The following SULT1A1 variants were observed in gnomAD, a reference collection of about 807,000 sequenced individuals.
The protein encoded by SULT1A1 is sulfotransferase family 1A member 1, also known as sulfotransferase 1A1.
In SULT1A1, 35 loss-of-function variants were observed where a neutral mutation model predicts 36.8. The ratio of observed to expected loss-of-function variants is 0.95; its 90% CI spans 0.73 to 1.26. The LOEUF is 1.26. SULT1A1 is among the 50% of genes most tolerant of loss of function. The pLI is 0.00. For missense variants in SULT1A1, 309 were observed against 383.0 expected, an observed-to-expected ratio of 0.81 and a Z score of 1.61; for synonymous variants, 119 against 146.0, an observed-to-expected ratio of 0.82 and a Z score of 1.33.
intron 1 of SULT1A1, among the ~76,000 whole-genome samples, chr16:28,621,619 C>T (rs2047657953): frequency 1.3e-5 from 2 of 151,426 alleles, no homozygotes; most frequent in African/African-American, 4.9e-5. Context: ...ACTTCTTTAA[C>T]AGTTGCTAGG....
rs6839 is a variant in SULT1A1 at position 28,605,807 on chromosome 16, T to C, written c.*14A>G. On this transcript the variant is annotated 3_prime_UTR_variant, in exon 8 of 8. Coordinates refer to ENST00000314752, the MANE Select transcript of SULT1A1 (RefSeq NM_001055.4). Reference sequence around the variant, plus strand: ...ATTCGCACACTCCCTCTGCAGTGACTCCAGGAGCCCCTCTCACAGCTCAGA... The same window carrying C: ...ATTCGCACACTCCCTCTGCAGTGACCCCAGGAGCCCCTCTCACAGCTCAGA... 0.33 allele frequency: 533,094 copies of C among 1,596,498 alleles called. 99,636 individuals carry two copies. Among genetic ancestry groups the C allele is most frequent in the Admixed American group, 0.37 (21,949 of 59,400 alleles).
At chr16:28,610,147 C>A (rs1413905343), upstream of SULT1A1, 3 of 1,285,288 alleles carry the variant, frequency 2.3e-6, no homozygotes, top group South Asian at 3.7e-5. Context: ...AGTGTGCCAG[C>A]TGGAGACAAG....
chr16:28,622,702 C>G (rs750246615), intron 1 of SULT1A1, among the ~76,000 whole-genome samples: 2 of 152,112 alleles, frequency 1.3e-5, no homozygotes, highest in Non-Finnish European at 2.9e-5. Flanking sequence ...CCCTGTCCCA[C>G]GATTGGTTCA....
At position 28,605,882 on chromosome 16, in the gene SULT1A1, A is replaced by G. The variant is rs1464244595; in HGVS notation, c.827T>C (p.Phe276Ser). ...CATCTTCTCCGCATAGTCCGCATCG[A>G]AGCGCTCATTCTGCGCCACGGTGAA... The part of the protein sequence containing the change: ...TTFTVAQNER[F>S]DADYAEKMAG... The change falls in exon 8 of 8, where the codon TTC becomes TCC. Residue 276 changes from phenylalanine (F) to serine (S), a missense_variant. Coordinates refer to ENST00000314752, the MANE Select transcript of SULT1A1 (RefSeq NM_001055.4). 1 of 1,609,588 alleles carries G rather than the reference A, an allele frequency of 6.2e-7. No homozygotes were observed. Among genetic ancestry groups the G allele is most frequent in the African/African-American group, 1.3e-5 (1 of 74,788 alleles).
At position 28,606,718 on chromosome 16, in the gene SULT1A1, C is replaced by T. The variant is rs780554364; in HGVS notation, c.594+43G>A. The T allele has an allele frequency of 8.7e-6, 14 of 1,604,630 alleles. 1 individual carries two copies. The highest frequency in any genetic ancestry group is 5.0e-5 in the Admixed American group (3 of 59,460). ...TTGGCGGGTCCCTGTGAGGTGCCTG[C>T]CCCCAGGAGTCACATGGAGGGAAGC... is the stretch of plus-strand genomic sequence containing the variant. On this transcript the variant is annotated intron_variant, in intron 6 of 7. Coordinates refer to ENST00000314752, the MANE Select transcript of SULT1A1 (RefSeq NM_001055.4).
In SULT1A1 at chr16:28,608,339, G is replaced by A. The variant is rs1368441468; in HGVS notation, c.324C>T (p.His108=). Residue 108 remains histidine, a synonymous_variant, in exon 4 of 8, where the codon CAC becomes CAT. Transcript: ENST00000314752. ...TCTGGGGGAGCAGAGCCAGGGGCAG[G>A]TGTGTCTTCAGGAGTCGTGGGGCCG... ...DTPAPRLLKT[H]LPLALLPQTL... The A allele has an allele frequency of 1.2e-6, 2 of 1,612,370 alleles. No homozygotes were observed. The highest frequency in any genetic ancestry group is 1.7e-4 in the Middle Eastern group (1 of 6,048).
intron 2 of SULT1A1, chr16:28,619,985 A>G: frequency 2.5e-6 from 2 of 791,596 alleles, no homozygotes; most frequent in Non-Finnish European, 3.6e-6. Context: ...TATATATTGT[A>G]TTGTATATTG....
chr16:28,607,310 A>G (rs1042717114), intron 4 of SULT1A1: 2 of 739,258 alleles, frequency 2.7e-6, no homozygotes, highest in Admixed American at 3.2e-5. Flanking sequence ...AATGCGTCAC[A>G]CCCCAATCTG....
chr16:28,611,006 G>C (rs1261088666), upstream of SULT1A1: 1 of 152,444 alleles, frequency 6.6e-6, no homozygotes, highest in East Asian at 1.9e-4. Context: ...AGGCAGAGGA[G>C]AGGCTTCTCA....
intron 1 of SULT1A1, chr16:28,623,107 C>CGGGGGG: frequency 6.6e-7 from 1 of 1,509,634 alleles, no homozygotes; most frequent in African/African-American, 1.4e-5. Flanking sequence ...TCCCACCCCC[C>CGGGGGG]AGGTTCCCCC....
chr16:28,619,231 T>G (rs528877663), intron 2 of SULT1A1, among the ~76,000 whole-genome samples: 1 of 152,148 alleles, frequency 6.6e-6, no homozygotes, highest in East Asian at 1.9e-4. Context: ...CAGGCTGGTT[T>G]CAAACTCCTG....
rs571245617 is a variant in SULT1A1, at chr16:28,608,537, C to T, written c.215G>A (p.Arg72Gln). Reference protein sequence around the residue: ...YQGGDLEKCHRAPIFMRVPFL... With the variant: ...YQGGDLEKCHQAPIFMRVPFL... The stretch of plus-strand genomic sequence containing the variant: ...GGGCACCCGCATGAAGATGGGAGCT[C>T]GGTGACACTTCTCCAGGTCACCACC... The change falls in exon 3 of 8, where the codon CGA (arginine) becomes CAA (glutamine). Residue 72 changes from arginine (R) to glutamine (Q), a missense_variant. Physicochemically the swap from Arg to Gln is conservative, Grantham distance 43. Transcript: ENST00000314752. 20 of 1,612,364 alleles carry T rather than the reference C, an allele frequency of 1.2e-5. No homozygotes were observed. Among genetic ancestry groups the T allele is most frequent in the Admixed American group, 3.3e-5 (2 of 59,880 alleles).
chr16:28,605,690 C>A lies in SULT1A1; in HGVS notation c.*131G>T. On this transcript the variant is annotated 3_prime_UTR_variant, in exon 8 of 8. Transcript: ENST00000314752. ...CTCCTGGGCTCAAATGATCCTCCCA[C>A]CTCAGCCTCCAAATTGCTGGGATTA... is the stretch of plus-strand genomic sequence containing the variant. 1 of 1,487,962 alleles carries A rather than the reference C, an allele frequency of 6.7e-7. No homozygotes were observed. Among genetic ancestry groups the A allele is most frequent in the South Asian group, 1.2e-5 (1 of 83,890 alleles). 92.2% of individuals were successfully genotyped at this position (1,487,962 alleles called of 1,614,324 possible). A position where few individuals can be genotyped will look rare whatever the true frequency, so the allele number is the denominator to read the frequency against.
rs1417235140 is a variant in SULT1A1, at chr16:28,605,766, C to T, written c.*55G>A. On this transcript the variant is annotated 3_prime_UTR_variant, in exon 8 of 8. Coordinates refer to ENST00000314752, the MANE Select transcript of SULT1A1 (RefSeq NM_001055.4). ...CTCAATTCATATTTTATTCTTGAGC[C>T]GCTTGGTCAGGTTTGATTCGCACAC... The T allele has an allele frequency of 1.7e-5, 27 of 1,609,042 alleles. No homozygotes were observed. The highest frequency in any genetic ancestry group is 4.0e-5 in the African/African-American group (3 of 74,802).
At position 28,607,622 on chromosome 16, in the gene SULT1A1, T is replaced by TTTTATTTTA. The variant is rs1555482302; in HGVS notation, c.373-546_373-545insTAAAATAAA. On this transcript the variant is annotated intron_variant, in intron 4 of 7. Transcript: ENST00000314752. Reference sequence around the variant, plus strand: ...GTGGGATTTATTTTATTTTATTTTATTTTATTTATTTATTTTTGAGACAGA... The same window carrying TTTTATTTTA: ...GTGGGATTTATTTTATTTTATTTTATTTTATTTTATTTATTTATTTATTTTTGAGACAGA... The TTTTATTTTA allele has an allele frequency of 1.5e-3, 176 of 114,604 alleles. 3 individuals are homozygous for TTTTATTTTA. Among genetic ancestry groups the TTTTATTTTA allele is most frequent in the African/African-American group, 4.5e-3 (149 of 33,250 alleles). The allele number at this position is 114,604 out of a possible 1,614,324, so 7.1% of individuals were successfully genotyped here. A position where few individuals can be genotyped will look rare whatever the true frequency, so the allele number is the denominator to read the frequency against.
intron 6 of SULT1A1, among the ~76,000 whole-genome samples, chr16:28,606,463 G>T (rs188714452): frequency 9.0e-4 from 136 of 151,926 alleles, no homozygotes; most frequent in African/African-American, 3.2e-3. Flanking sequence ...GGACCGTGAT[G>T]GTCTTCTTCT....
intron 2 of SULT1A1, among the ~76,000 whole-genome samples, chr16:28,617,984 T>C (rs896622018): frequency 2.0e-5 from 3 of 152,144 alleles, no homozygotes; most frequent in African/African-American, 7.2e-5. Flanking sequence ...TCCTGCGGTT[T>C]TGTTCATTTA....
chr16:28,621,603 T>C (rs1286847332), intron 1 of SULT1A1, among the ~76,000 whole-genome samples: 1 of 151,962 alleles, frequency 6.6e-6, no homozygotes, highest in East Asian at 1.9e-4. Flanking sequence ...TTCACCGCTG[T>C]ACAAGACTTC....
At chr16:28,619,250 T>A (rs907885228) in intron 2 of SULT1A1, among the ~76,000 whole-genome samples, 17 of 152,088 alleles carry the variant, frequency 1.1e-4, no homozygotes, top group Admixed American at 5.9e-4. Context: ...TGACATCAAG[T>A]GATCTGCCTG....
Sources: allele counts gnomAD v4.1 joint callset (sites outside exome capture counted in the v4.1 genomes callset), GRCh38; gene constraint gnomAD v4.1.1; transcripts MANE v1.5; gene names NCBI Gene and HGNC (gene_info 2026-07-23, HGNC 2026-07-21).